PHIP: variants seen among roughly 807,000 people sequenced by gnomAD.
PHIP encodes PH-interacting protein.
A neutral mutation model predicts 236.8 loss-of-function variants in PHIP; 54 were observed. That is an observed-to-expected ratio of 0.23 (90% CI 0.18 to 0.29). The LOEUF is 0.29. Ranked by LOEUF, PHIP falls within the 10% of genes least tolerant of loss-of-function variation. The probability of loss-of-function intolerance (pLI) is 1.00; values close to 1 mark genes in which losing one functional copy is unlikely to be tolerated. For synonymous variants in PHIP, 756 were observed against 718.9 expected, an observed-to-expected ratio of 1.05 and a Z score of -0.83; for missense variants, 1,370 against 2,190.8, an observed-to-expected ratio of 0.63 and a Z score of 7.48.
At chr6:78,993,207 G>C (rs1769383309) in intron 19 of PHIP, among the ~76,000 whole-genome samples, 1 of 152,220 alleles carries the variant, frequency 6.6e-6, no homozygotes, top group Non-Finnish European at 1.5e-5. Flanking sequence ...AGAAAAGTTG[G>C]AAGCTAGCAG....
chr6:79,066,267 A>G (rs947776290), intron 4 of PHIP, among the ~76,000 whole-genome samples: 2 of 152,192 alleles, frequency 1.3e-5, no homozygotes, highest in African/African-American at 4.8e-5. Context: ...TAATATAGCT[A>G]ACACATATTG....
Position 79,077,598 on chromosome 6 carries a change from C to A in PHIP, c.130-91G>T, listed in dbSNP as rs938876089. The A allele has an allele frequency of 2.2e-3, 1,985 of 890,382 alleles. 4 individuals carry two copies. The highest frequency in any genetic ancestry group is 2.4e-3 in the Non-Finnish European group (1,783 of 742,390). The allele number at this position is 890,382 out of a possible 1,614,324, so 55.2% of individuals were successfully genotyped here. A position where few individuals can be genotyped will look rare whatever the true frequency, so the allele number is the denominator to read the frequency against. On this transcript the variant is annotated intron_variant, in intron 3 of 39. Transcript: ENST00000275034. ...CCGCCCCGCGCCCCGGCGGGGACCC[C>A]GAGCCCCGCGCCCCGCGCCCTGCCG...
At chr6:78,976,219 C>T (rs1326269446) in intron 24 of PHIP, among the ~76,000 whole-genome samples, 184 of 148,330 alleles carry the variant, frequency 1.2e-3, no homozygotes, top group African/African-American at 4.3e-3. Flanking sequence ...GAAATAACGC[C>T]GCATATCTAC....
intron 35 of PHIP, among the ~76,000 whole-genome samples, chr6:78,951,112 G>T (rs1035226048): frequency 6.6e-6 from 1 of 152,050 alleles, no homozygotes; most frequent in Non-Finnish European, 1.5e-5. Context: ...TTATTTAGAG[G>T]TGGGCTCTTT....
intron 24 of PHIP, among the ~76,000 whole-genome samples, chr6:78,974,244 A>G (rs2127710661): frequency 6.6e-6 from 1 of 152,268 alleles, no homozygotes. Flanking sequence ...GCTCAACTAC[A>G]TGGAAACTGA....
At chr6:79,056,538 G>T (rs1773082675) in intron 6 of PHIP, among the ~76,000 whole-genome samples, 1 of 152,134 alleles carries the variant, frequency 6.6e-6, no homozygotes, top group South Asian at 2.1e-4. Flanking sequence ...TGATAATTTT[G>T]CCCAGGAGAT....
intron 4 of PHIP, among the ~76,000 whole-genome samples, chr6:79,075,663 T>C (rs1291247826): frequency 1.5e-5 from 2 of 136,562 alleles, no homozygotes; most frequent in Non-Finnish European, 3.0e-5. Flanking sequence ...CAAAATGATA[T>C]TCCTACGAGG....
intron 7 of PHIP, among the ~76,000 whole-genome samples, chr6:79,033,745 GT>G (rs1319613250): frequency 6.6e-6 from 1 of 152,116 alleles, no homozygotes; most frequent in African/African-American, 2.4e-5. Context: ...GGAGTAGCAC[GT>G]TTAATTTCCT....
At chr6:79,041,821 C>A (rs1772231543) in intron 7 of PHIP, among the ~76,000 whole-genome samples, 1 of 151,790 alleles carries the variant, frequency 6.6e-6, no homozygotes, top group Admixed American at 6.6e-5. Context: ...TAGATTAGAG[C>A]CAAGGGAAAA....
intron 4 of PHIP, among the ~76,000 whole-genome samples, chr6:79,062,925 CCT>C (rs1236739999): frequency 6.6e-6 from 1 of 152,166 alleles, no homozygotes; most frequent in Non-Finnish European, 1.5e-5. Context: ...CACCTGTGCC[CCT>C]TTTTGGACAC....
intron 15 of PHIP, 101 bp downstream of exon 15, chr6:79,014,981 G>T (rs1770772010): frequency 6.7e-6 from 6 of 889,450 alleles, no homozygotes; most frequent in South Asian, 3.8e-5. Flanking sequence ...TCAAAATAAT[G>T]AACCAATTTT....
At chr6:78,950,174 A>T (rs141789855) in intron 35 of PHIP, among the ~76,000 whole-genome samples, 1 of 152,336 alleles carries the variant, frequency 6.6e-6, no homozygotes, top group East Asian at 1.9e-4. Context: ...TATTAATATG[A>T]TGGATTACAC....
intron 9 of PHIP, among the ~76,000 whole-genome samples, chr6:79,023,835 C>A (rs956353779): frequency 6.6e-6 from 1 of 152,084 alleles, no homozygotes; most frequent in Non-Finnish European, 1.5e-5. Context: ...GAGTTTAATT[C>A]TGTAAAACAT....
At chr6:79,030,788 T>A (rs368635980) in intron 7 of PHIP, among the ~76,000 whole-genome samples, 17 of 151,198 alleles carry the variant, frequency 1.1e-4, no homozygotes, top group African/African-American at 4.1e-4. Context: ...TCTGGAAAAC[T>A]ATGAACAGGT....
chr6:79,051,277 C>A (rs1772781398), intron 6 of PHIP, among the ~76,000 whole-genome samples: 1 of 152,100 alleles, frequency 6.6e-6, no homozygotes, highest in Non-Finnish European at 1.5e-5. Context: ...ACAAATAAAT[C>A]ACCGTAATAG....
chr6:78,968,504 A>T (rs1486514515), intron 27 of PHIP, among the ~76,000 whole-genome samples: 1 of 152,210 alleles, frequency 6.6e-6, no homozygotes, highest in East Asian at 1.9e-4. Flanking sequence ...GTTCCGTAGG[A>T]TCAATTCTGG....
intron 31 of PHIP, among the ~76,000 whole-genome samples, chr6:78,960,759 AC>A (rs2127697208): frequency 6.6e-6 from 1 of 152,264 alleles, no homozygotes; most frequent in South Asian, 2.1e-4. Flanking sequence ...GGGGGCTGCT[AC>A]TGGCATCTAG....
chr6:79,017,777 G>C (rs934627408), intron 10 of PHIP, among the ~76,000 whole-genome samples, 194 bp from the exon 11 acceptor site: 5 of 151,800 alleles, frequency 3.3e-5, no homozygotes, highest in Non-Finnish European at 5.9e-5. Context: ...TATCTGACTA[G>C]AATGAATTTT....
intron 28 of PHIP, 82 bp from the exon 29 acceptor site, chr6:78,965,846 GCTT>G: frequency 2.6e-6 from 3 of 1,172,320 alleles, no homozygotes; most frequent in Non-Finnish European, 3.8e-6. Context: ...CAAAATAATT[GCTT>G]CTGTGTTTAA....
Sources: allele counts gnomAD v4.1 joint callset (sites outside exome capture counted in the v4.1 genomes callset), GRCh38; gene constraint gnomAD v4.1.1; transcripts MANE v1.5; gene names NCBI Gene and HGNC (gene_info 2026-07-23, HGNC 2026-07-21).